Variants in HMGA2 observed in about 807,000 individuals in gnomAD.
HMGA2 encodes the protein high mobility group AT-hook 2, also known as high mobility group protein HMGI-C.
Under a neutral mutation model 19.1 loss-of-function variants are expected in HMGA2, and 8 were observed. The ratio of observed to expected loss-of-function variants is 0.42; its 90% CI spans 0.25 to 0.76. The LOEUF is 0.76. Among genes scored for constraint, HMGA2 ranks in the 30% least tolerant of loss-of-function variants. The pLI is 0.28. For missense variants in HMGA2, 109 were observed against 136.3 expected, an observed-to-expected ratio of 0.80 and a Z score of 1.00; for synonymous variants, 60 against 48.8, an observed-to-expected ratio of 1.23 and a Z score of -0.96.
At chr12:65,839,025 C>CT (rs1365405575) in intron 3 of HMGA2, among the ~76,000 whole-genome samples, 12 of 88,638 alleles carry the variant, frequency 1.4e-4, no homozygotes, top group African/African-American at 1.1e-3. Context: ...TTCTCCATGG[C>CT]TTTTGTTTGG....
intron 3 of HMGA2, chr12:65,914,864 A>G (rs10878345): frequency 0.32 from 177,606 of 561,924 alleles, 31,730 homozygotes; most frequent in African/African-American, 0.61. Context: ...TAGTAGAGAC[A>G]GGGTTTCACC....
chr12:65,941,718 T>C (rs1036710761), intron 3 of HMGA2, among the ~76,000 whole-genome samples: 1 of 152,218 alleles, frequency 6.6e-6, no homozygotes, highest in Admixed American at 6.5e-5. Flanking sequence ...GTAACTGTTA[T>C]AGCTGCTGGG....
At chr12:65,932,505 CA>C in intron 3 of HMGA2, among the ~76,000 whole-genome samples, 1 of 152,028 alleles carries the variant, frequency 6.6e-6, no homozygotes, top group Admixed American at 6.6e-5. Flanking sequence ...AGAAGGCACT[CA>C]ATGAATGTAT....
In HMGA2 at chr12:65,937,228, T is replaced by C. The variant is rs1464923514; in HGVS notation, c.250-14155T>C. Reference sequence around the variant, plus strand: ...CCCAGACATACCAAACTGTGTATTATCTAGAGCCAGGGACTTGAATACCAC... The same window carrying C: ...CCCAGACATACCAAACTGTGTATTACCTAGAGCCAGGGACTTGAATACCAC... On this transcript the variant is annotated intron_variant, in intron 3 of 4. Coordinates refer to ENST00000403681, the MANE Select transcript of HMGA2 (RefSeq NM_003483.6). 2.0e-5 allele frequency among the ~76,000 whole-genome samples: 3 copies of C among 152,322 alleles called. No homozygotes were observed. In the South Asian group the frequency reaches 6.2e-4, roughly 32 times the overall value.
chr12:65,915,508 A>G, intron 3 of HMGA2: 2 of 1,187,604 alleles, frequency 1.7e-6, no homozygotes, highest in Non-Finnish European at 2.1e-6. Context: ...TGATTTCATA[A>G]AACAGATGCT....
chr12:65,940,219 TA>T (rs1876046747), intron 3 of HMGA2, among the ~76,000 whole-genome samples: 1 of 152,084 alleles, frequency 6.6e-6, no homozygotes, highest in Non-Finnish European at 1.5e-5. Flanking sequence ...ATAATAGAAA[TA>T]AAAGATTAAA....
chr12:65,893,733 T>G (rs1345030401), intron 3 of HMGA2, among the ~76,000 whole-genome samples: 1 of 152,184 alleles, frequency 6.6e-6, no homozygotes, highest in African/African-American at 2.4e-5. Context: ...GTTGCAAAGT[T>G]TAATTGGTGT....
chr12:65,861,613 C>A (rs1872072978), intron 3 of HMGA2, among the ~76,000 whole-genome samples: 2 of 138,064 alleles, frequency 1.4e-5, no homozygotes, highest in Admixed American at 7.1e-5. Flanking sequence ...ATTGATTTAT[C>A]CTAAATTGGT....
At chr12:65,832,016 A>G (rs1870501468) in intron 2 of HMGA2, among the ~76,000 whole-genome samples, 1 of 151,838 alleles carries the variant, frequency 6.6e-6, no homozygotes, top group Non-Finnish European at 1.5e-5. Context: ...GGTAAGTTTT[A>G]TTGTGGGATT....
At chr12:65,923,924 G>A (rs1447683330) in intron 3 of HMGA2, among the ~76,000 whole-genome samples, 3 of 152,124 alleles carry the variant, frequency 2.0e-5, no homozygotes, top group African/African-American at 7.2e-5. Flanking sequence ...TAAGAGAATC[G>A]CTTGCACCTG....
chr12:65,966,251 A>G lies in HMGA2; in HGVS notation c.*2959A>G. 1 of 189,514 alleles carries G rather than the reference A, an allele frequency of 5.3e-6. No individual in the cohort carries two copies. The highest frequency in any genetic ancestry group is 1.1e-5 in the Non-Finnish European group (1 of 89,868). 11.7% of individuals were successfully genotyped at this position (189,514 alleles called of 1,614,324 possible). On this transcript the variant is annotated 3_prime_UTR_variant, in exon 5 of 5. Coordinates refer to ENST00000403681, the MANE Select transcript of HMGA2 (RefSeq NM_003483.6). Reference sequence around the variant, plus strand: ...TGTGTTTTGATTCCTGCTCTTTGTTACAGTTCCATTAAATGAGTAATAAAG... The same window carrying G: ...TGTGTTTTGATTCCTGCTCTTTGTTGCAGTTCCATTAAATGAGTAATAAAG...
intron 3 of HMGA2, among the ~76,000 whole-genome samples, chr12:65,887,288 G>C (rs1209478310): frequency 6.6e-6 from 1 of 152,106 alleles, no homozygotes; most frequent in African/African-American, 2.4e-5. Context: ...GAGGATTAAG[G>C]AAAATATTTT....
At chr12:65,922,025 AAAACACCT>A (rs537885957) in intron 3 of HMGA2, among the ~76,000 whole-genome samples, 4 of 152,322 alleles carry the variant, frequency 2.6e-5, no homozygotes, top group African/African-American at 7.2e-5. Flanking sequence ...AAGATGTATG[AAAACACCT>A]GGATGCCCAG....
chr12:65,889,418 A>G (rs1873809788), intron 3 of HMGA2, among the ~76,000 whole-genome samples: 1 of 152,246 alleles, frequency 6.6e-6, no homozygotes, highest in African/African-American at 2.4e-5. Context: ...CCTTTGTAGT[A>G]AATATATTGT....
chr12:65,872,043 G>A (rs144453378), intron 3 of HMGA2, among the ~76,000 whole-genome samples: 1 of 152,226 alleles, frequency 6.6e-6, no homozygotes, highest in East Asian at 1.9e-4. Flanking sequence ...GAAGTGGCAG[G>A]GAGGCAACAG....
intron 3 of HMGA2, among the ~76,000 whole-genome samples, chr12:65,903,809 T>C (rs534757074): frequency 2.1e-4 from 32 of 152,312 alleles, no homozygotes; most frequent in Non-Finnish European, 2.2e-4. Context: ...GGCTTTTTGA[T>C]TGGTGAGAAG....
intron 2 of HMGA2, among the ~76,000 whole-genome samples, chr12:65,833,586 C>T (rs1870568962): frequency 6.6e-6 from 1 of 152,136 alleles, no homozygotes; most frequent in African/African-American, 2.4e-5. Flanking sequence ...AACCTCTGCT[C>T]TTGTCCATGT....
chr12:65,905,207 T>C (rs1010783158), intron 3 of HMGA2, among the ~76,000 whole-genome samples: 1 of 140,154 alleles, frequency 7.1e-6, no homozygotes, highest in Non-Finnish European at 1.5e-5. Flanking sequence ...CACACACACA[T>C]AATAGAAAAT....
rs146278247 is a variant in HMGA2 at position 65,952,635 on chromosome 12, A to G, written c.282+1220A>G. The G allele has an allele frequency of 8.1e-3, 4,848 of 601,518 alleles. 30 individuals are homozygous for G. Among genetic ancestry groups the G allele is most frequent in the Non-Finnish European group, 0.01 (4,188 of 401,768 alleles). 37.3% of individuals were successfully genotyped at this position (601,518 alleles called of 1,614,324 possible). A position where few individuals can be genotyped will look rare whatever the true frequency, so the allele number is the denominator to read the frequency against. On this transcript the variant is annotated intron_variant, in intron 4 of 4. Coordinates refer to ENST00000403681, the MANE Select transcript of HMGA2 (RefSeq NM_003483.6). ...GCGTCTTTAAGCAATATTTAAAAATATATACATATAAACAAAAACTTGACA... is the reference window on the plus strand; with the variant it reads ...GCGTCTTTAAGCAATATTTAAAAATGTATACATATAAACAAAAACTTGACA...
Sources: gnomAD v4.1 joint callset for allele counts (sites outside exome capture counted in the v4.1 genomes callset) on GRCh38, gnomAD v4.1.1 for gene constraint, MANE v1.5 for transcripts, NCBI Gene and HGNC (gene_info 2026-07-23, HGNC 2026-07-21) for gene names.